The following FAM117B variants were observed in gnomAD, a reference collection of about 807,000 sequenced individuals.
FAM117B encodes protein FAM117B.
Under a neutral mutation model 52.8 loss-of-function variants are expected in FAM117B, and 22 were observed. The observed-to-expected ratio is 0.42, with a 90% confidence interval of 0.30 to 0.59. The LOEUF (loss-of-function observed/expected upper bound fraction) is 0.59. FAM117B is among the 20% of genes least tolerant of loss of function. The pLI, the probability that FAM117B is intolerant of heterozygous loss-of-function variation, is 0.22. For missense variants in FAM117B, 678 were observed against 802.6 expected, an observed-to-expected ratio of 0.84 and a Z score of 1.88; for synonymous variants, 309 against 324.1, an observed-to-expected ratio of 0.95 and a Z score of 0.50.
In FAM117B at chr2:202,726,302, A is replaced by G; in HGVS notation, c.899A>G (p.His300Arg). The G allele has an allele frequency of 1.9e-6, 3 of 1,614,002 alleles. No individual in the cohort carries two copies. Among genetic ancestry groups the G allele is most frequent in the Non-Finnish European group, 2.5e-6 (3 of 1,179,948 alleles). Residue 300 changes from histidine (H) to arginine (R), a missense_variant, in exon 4 of 8, where the codon CAT becomes CGT. Transcript: ENST00000392238. Reference protein sequence around the residue: ...LQRSKHSSRHHRDKERQSPFH... With the variant: ...LQRSKHSSRHRRDKERQSPFH... ...AGAAGTAAACACAGCAGTCGGCATC[A>G]TCGAGATAAAGAAAGACAGTCTCCA...
intron 1 of FAM117B, among the ~76,000 whole-genome samples, chr2:202,694,721 C>T (rs189451758): frequency 2.2e-4 from 34 of 152,156 alleles, no homozygotes; most frequent in Admixed American, 1.9e-3. Flanking sequence ...TATGCATGCC[C>T]TAGGATACTC....
At chr2:202,739,358 CTTTCCT>C (rs969553160) in intron 4 of FAM117B, among the ~76,000 whole-genome samples, 36 of 151,868 alleles carry the variant, frequency 2.4e-4, no homozygotes, top group African/African-American at 7.7e-4. Flanking sequence ...TGCTTTCTTC[CTTTCCT>C]TTTCCTTTTC....
chr2:202,733,612 A>G (rs1336718605), intron 4 of FAM117B, among the ~76,000 whole-genome samples: 2 of 152,204 alleles, frequency 1.3e-5, no homozygotes, highest in African/African-American at 4.8e-5. Flanking sequence ...GTCCATTTAT[A>G]GGCTCTCTGT....
rs545156759 is a variant in FAM117B, at chr2:202,768,325, C to G, written c.*2561C>G. The stretch of plus-strand genomic sequence containing the variant: ...GTAACTTAAAATTGGAATGGAAGAA[C>G]AAGTTTCAGAATTATTTACAGTCTT... On this transcript the variant is annotated 3_prime_UTR_variant, in exon 8 of 8. Coordinates refer to ENST00000392238, the MANE Select transcript of FAM117B (RefSeq NM_173511.4). 34 of 152,152 alleles carry G rather than the reference C, an allele frequency of 2.2e-4. No homozygotes were observed. The highest frequency in any genetic ancestry group is 8.0e-4 in the African/African-American group (33 of 41,494). The allele number at this position is 152,152 out of a possible 1,614,324, so 9.4% of individuals were successfully genotyped here.
intron 1 of FAM117B, among the ~76,000 whole-genome samples, chr2:202,651,500 G>A (rs1689958337): frequency 6.6e-6 from 1 of 151,260 alleles, no homozygotes; most frequent in African/African-American, 2.4e-5. Flanking sequence ...GGCCTCCTGA[G>A]TAGCTGGGAT....
At chr2:202,716,902 A>G (rs1691066974) in intron 2 of FAM117B, among the ~76,000 whole-genome samples, 1 of 152,194 alleles carries the variant, frequency 6.6e-6, no homozygotes. Context: ...TTTGTCTGAT[A>G]GAATTCTGAA....
chr2:202,638,691 A>G (rs1300857580), intron 1 of FAM117B, among the ~76,000 whole-genome samples: 1 of 152,180 alleles, frequency 6.6e-6, no homozygotes, highest in Non-Finnish European at 1.5e-5. Flanking sequence ...TAATTTGGCC[A>G]GGCGCGGTGG....
At chr2:202,711,525 T>C (rs1458567041) in intron 2 of FAM117B, among the ~76,000 whole-genome samples, 2 of 152,178 alleles carry the variant, frequency 1.3e-5, no homozygotes, top group African/African-American at 4.8e-5. Flanking sequence ...TTGTTTCCAT[T>C]ACTGTGCAGA....
chr2:202,662,175 G>T (rs1690140932), intron 1 of FAM117B, among the ~76,000 whole-genome samples: 1 of 151,714 alleles, frequency 6.6e-6, no homozygotes, highest in African/African-American at 2.4e-5. Flanking sequence ...TGTACAGACT[G>T]GTAGTATATA....
chr2:202,640,070 G>A (rs1416952853), intron 1 of FAM117B, among the ~76,000 whole-genome samples: 1 of 151,698 alleles, frequency 6.6e-6, no homozygotes, highest in Non-Finnish European at 1.5e-5. Flanking sequence ...AGGAGTTCGA[G>A]ACCAGCCTGC....
At chr2:202,730,876 C>G (rs1691333314) in intron 4 of FAM117B, among the ~76,000 whole-genome samples, 1 of 151,932 alleles carries the variant, frequency 6.6e-6, no homozygotes, top group Non-Finnish European at 1.5e-5. Flanking sequence ...AAAGCAAAAG[C>G]AAGAAAAGAA....
intron 1 of FAM117B, among the ~76,000 whole-genome samples, chr2:202,666,058 G>T (rs1690200872): frequency 6.6e-6 from 1 of 152,166 alleles, no homozygotes; most frequent in African/African-American, 2.4e-5. Flanking sequence ...GGCAACATTT[G>T]TTATGACTAA....
chr2:202,723,420 T>G (rs1691182533), intron 2 of FAM117B, among the ~76,000 whole-genome samples: 1 of 152,224 alleles, frequency 6.6e-6, no homozygotes, highest in South Asian at 2.1e-4. Flanking sequence ...AGACAGCCAC[T>G]GGTACCAATT....
At chr2:202,763,370 C>A (rs907612301) in intron 7 of FAM117B, among the ~76,000 whole-genome samples, 1 of 152,070 alleles carries the variant, frequency 6.6e-6, no homozygotes, top group African/African-American at 2.4e-5. Flanking sequence ...CTGCGCCTGG[C>A]CTTCTTAAGT....
chr2:202,684,831 C>G (rs1165195144), intron 1 of FAM117B, among the ~76,000 whole-genome samples: 1 of 152,102 alleles, frequency 6.6e-6, no homozygotes, highest in Non-Finnish European at 1.5e-5. Context: ...AGGAATATAA[C>G]TGTATTCCCT....
intron 1 of FAM117B, among the ~76,000 whole-genome samples, chr2:202,675,693 G>T (rs932840691): frequency 6.6e-6 from 1 of 151,950 alleles, no homozygotes; most frequent in Non-Finnish European, 1.5e-5. Context: ...TCTAACAAAA[G>T]AATACAGCAG....
At chr2:202,669,530 G>C (rs1690258575) in intron 1 of FAM117B, among the ~76,000 whole-genome samples, 1 of 151,936 alleles carries the variant, frequency 6.6e-6, no homozygotes, top group Non-Finnish European at 1.5e-5. Flanking sequence ...AAATTTTCTA[G>C]ATTTTTTTTT....
chr2:202,658,866 A>AT, intron 1 of FAM117B, among the ~76,000 whole-genome samples: 1 of 151,874 alleles, frequency 6.6e-6, no homozygotes, highest in South Asian at 2.1e-4. Flanking sequence ...TCACTTAATT[A>AT]TTTATGTTTC....
intron 7 of FAM117B, among the ~76,000 whole-genome samples, chr2:202,763,220 C>G (rs57260284): frequency 6.6e-6 from 1 of 151,672 alleles, no homozygotes; most frequent in South Asian, 2.1e-4. Flanking sequence ...TACAGGCATC[C>G]GCCACCATGC....
Sources: allele counts gnomAD v4.1 joint callset (sites outside exome capture counted in the v4.1 genomes callset), GRCh38; gene constraint gnomAD v4.1.1; transcripts MANE v1.5; gene names NCBI Gene and HGNC (gene_info 2026-07-23, HGNC 2026-07-21).